Variants in AGO3 observed in about 807,000 individuals in gnomAD.
AGO3 encodes argonaute RISC catalytic component 3, also known as protein argonaute-3.
Under a neutral mutation model 105.5 loss-of-function variants are expected in AGO3, and 16 were observed. The observed-to-expected ratio is 0.15, with a 90% CI of 0.10 to 0.23. AGO3 has a LOEUF of 0.23. AGO3 is among the 10% of genes least tolerant of loss of function. The pLI is 1.00. For missense variants in AGO3, 534 were observed against 1,088.0 expected, an observed-to-expected ratio of 0.49 and a Z score of 7.16; for synonymous variants, 340 against 367.3, an observed-to-expected ratio of 0.93 and a Z score of 0.85.
intron 13 of AGO3, among the ~76,000 whole-genome samples, chr1:36,035,243 T>G (rs1641950210): frequency 6.6e-6 from 1 of 151,940 alleles, no homozygotes; most frequent in Non-Finnish European, 1.5e-5. Context: ...TACAAAAAAA[T>G]AGAAAGATTA....
intron 11 of AGO3, among the ~76,000 whole-genome samples, chr1:36,016,317 G>T (rs570752759): frequency 2.0e-5 from 3 of 152,268 alleles, no homozygotes; most frequent in East Asian, 3.9e-4. Context: ...GAGTATCTGG[G>T]ACTACAGGCC....
chr1:36,048,095 A>G (rs903092913), intron 17 of AGO3, among the ~76,000 whole-genome samples: 1 of 152,090 alleles, frequency 6.6e-6, no homozygotes, highest in Admixed American at 6.5e-5. Flanking sequence ...CTAACAGCAG[A>G]TTTCTCCACA....
chr1:36,070,109 G>A lies in AGO3; in HGVS notation c.*14364G>A, dbSNP rs1049988555. 6 of 151,978 alleles carry A rather than the reference G, an allele frequency of 3.9e-5. No individual in the cohort carries two copies. Among genetic ancestry groups the A allele is most frequent in the African/African-American group, 1.2e-4 (5 of 41,376 alleles). The allele number at this position is 151,978 out of a possible 1,614,324, so 9.4% of individuals were successfully genotyped here. On this transcript the variant is annotated 3_prime_UTR_variant, in exon 19 of 19. Coordinates refer to ENST00000373191, the MANE Select transcript of AGO3 (RefSeq NM_024852.4). ...ATACAAATACTTAGAAATTAACTTC[G>A]CCTTTGCCTTCAGGCACTTTTGCTA...
chr1:36,018,822 G>A (rs931508884), intron 11 of AGO3, among the ~76,000 whole-genome samples: 2 of 152,012 alleles, frequency 1.3e-5, no homozygotes, highest in Non-Finnish European at 2.9e-5. Flanking sequence ...TTCATAACAG[G>A]CATGAACTTG....
intron 1 of AGO3, among the ~76,000 whole-genome samples, chr1:35,935,289 GATAACCTTCAAAT>G (rs1042587723): frequency 6.6e-6 from 1 of 152,148 alleles, no homozygotes; most frequent in African/African-American, 2.4e-5. Flanking sequence ...AAGACATATA[GATAACCTTCAAAT>G]ATAATTCAGT....
chr1:36,023,471 ACT>A (rs1442036549), intron 11 of AGO3, among the ~76,000 whole-genome samples: 1 of 152,242 alleles, frequency 6.6e-6, no homozygotes, highest in Non-Finnish European at 1.5e-5. Context: ...GTTCAAAGAG[ACT>A]CTGGCACTAC....
rs561083133 is a variant in AGO3, at chr1:36,028,896, G to C, written c.1591+1598G>C. 2.0e-3 allele frequency among the ~76,000 whole-genome samples: 302 copies of C among 152,180 alleles called. 3 individuals are homozygous for C. The highest frequency in any genetic ancestry group is 3.4e-3 in the Middle Eastern group (1 of 294). On this transcript the variant is annotated intron_variant, in intron 12 of 18. Transcript: ENST00000373191. Reference sequence around the variant, plus strand: ...GGATCTCACTATGTTTCTCGGGTTGGTCTCAAACTCCTGGGCTCAAGCAAT... The same window carrying C: ...GGATCTCACTATGTTTCTCGGGTTGCTCTCAAACTCCTGGGCTCAAGCAAT...
chr1:35,953,904 G>A (rs139194583), intron 2 of AGO3, among the ~76,000 whole-genome samples: 2 of 152,228 alleles, frequency 1.3e-5, no homozygotes, highest in East Asian at 3.9e-4. Context: ...TAGATATATG[G>A]TTGCAAAATT....
intron 2 of AGO3, among the ~76,000 whole-genome samples, chr1:35,952,610 G>T (rs928867586): frequency 1.3e-5 from 2 of 152,070 alleles, no homozygotes; most frequent in African/African-American, 4.8e-5. Flanking sequence ...GGTCCCATAA[G>T]ATTATAATAC....
intron 11 of AGO3, among the ~76,000 whole-genome samples, chr1:36,022,106 C>T (rs1641262426): frequency 7.9e-6 from 1 of 126,374 alleles, no homozygotes; most frequent in Non-Finnish European, 1.6e-5. Context: ...CACTCTTTTG[C>T]CCAGGCTGGA....
At chr1:35,947,777 G>T (rs564901980) in intron 2 of AGO3, among the ~76,000 whole-genome samples, 3 of 152,176 alleles carry the variant, frequency 2.0e-5, no homozygotes, top group African/African-American at 7.2e-5. Flanking sequence ...CACTTATGGG[G>T]ACTTAACTGA....
At chr1:36,003,710 ATATATATAT>A (rs1192937295) in intron 5 of AGO3, among the ~76,000 whole-genome samples, 1,995 of 79,284 alleles carry the variant, frequency 0.025, 42 homozygotes, top group South Asian at 0.062. Context: ...AAAAAAAAAA[ATATATATAT>A]ATATATATAT....
At chr1:35,952,110 GTCTTTCTT>G (rs146413112) in intron 2 of AGO3, among the ~76,000 whole-genome samples, 16,015 of 112,478 alleles carry the variant, frequency 0.14, 2,159 homozygotes, top group African/African-American at 0.34. Flanking sequence ...TTCTGGGTCG[GTCTTTCTT>G]TCTTTCTTTC....
At chr1:36,046,851 T>C (rs753991832) in intron 17 of AGO3, among the ~76,000 whole-genome samples, 6 of 152,044 alleles carry the variant, frequency 3.9e-5, no homozygotes, top group Admixed American at 1.3e-4. Flanking sequence ...CACTGGGGAA[T>C]TGGTGCCCTG....
rs1465961351 is a variant in AGO3 at position 36,054,815 on chromosome 1, G to T, written c.2275-131G>T. Reference sequence around the variant, plus strand: ...TAGAATCTTTTGAGCCCCAGAGGTGGAGGTTGCAGTGATCTGAGATCACGC... The same window carrying T: ...TAGAATCTTTTGAGCCCCAGAGGTGTAGGTTGCAGTGATCTGAGATCACGC... On this transcript the variant is annotated intron_variant, in intron 17 of 18. Coordinates refer to ENST00000373191, the MANE Select transcript of AGO3 (RefSeq NM_024852.4). 3.9e-6 allele frequency: 3 copies of T among 776,864 alleles called. No homozygotes were observed. In the Admixed American group the frequency reaches 6.9e-5, roughly 18 times the overall value. The allele number at this position is 776,864 out of a possible 1,614,324, so 48.1% of individuals were successfully genotyped here.
At position 35,945,872 on chromosome 1, in the gene AGO3, C is replaced by A; in HGVS notation, c.191+9C>A. The stretch of plus-strand genomic sequence containing the variant: ...CCTAGGAGAGTGAACAGGTAAGAAT[C>A]ATGAAACTGCAAAGATCTTTTGCTA... On this transcript the variant is annotated intron_variant, in intron 2 of 18. Transcript: ENST00000373191. 1 of 1,602,054 alleles carries A rather than the reference C, an allele frequency of 6.2e-7. No individual in the cohort carries two copies. Among genetic ancestry groups the A allele is most frequent in the South Asian group, 1.1e-5 (1 of 89,470 alleles).
chr1:36,031,910 GGTGT>G (rs368252499), intron 12 of AGO3, among the ~76,000 whole-genome samples: 1 of 148,426 alleles, frequency 6.7e-6, no homozygotes, highest in Non-Finnish European at 1.5e-5. Context: ...GGGGGCGGGG[GGTGT>G]GTGTGTGTGT....
upstream of AGO3, chr1:35,930,906 G>C (rs974697821): frequency 5.0e-5 from 13 of 259,424 alleles, no homozygotes; most frequent in African/African-American, 2.5e-4. Context: ...CGTTGTCTCC[G>C]GCCGGCACGG....
intron 5 of AGO3, among the ~76,000 whole-genome samples, chr1:35,997,205 G>A (rs1204058929): frequency 6.6e-6 from 1 of 152,038 alleles, no homozygotes; most frequent in Non-Finnish European, 1.5e-5. Flanking sequence ...CTGGAACCTG[G>A]GAGGTGGAGG....
Sources: allele counts gnomAD v4.1 joint callset (sites outside exome capture counted in the v4.1 genomes callset), GRCh38; gene constraint gnomAD v4.1.1; transcripts MANE v1.5; gene names NCBI Gene and HGNC (gene_info 2026-07-23, HGNC 2026-07-21).